Variants in TRPC5 observed in about 807,000 individuals in gnomAD.
TRPC5 encodes transient receptor potential cation channel subfamily C member 5.
TRPC5 carries 9 observed loss-of-function variants against 56.5 expected under a neutral mutation model. That is an observed-to-expected ratio of 0.16 (90% CI 0.10 to 0.28). The LOEUF (loss-of-function observed/expected upper bound fraction) is 0.28, where lower values mean the gene tolerates loss of function less well. Among genes scored for constraint, TRPC5 ranks in the 10% least tolerant of loss-of-function variants. The pLI is 1.00. For synonymous variants in TRPC5, 282 were observed against 278.5 expected (o/e 1.01, Z -0.13); for missense variants, 469 against 748.9 (o/e 0.63, Z 4.36).
At chrX:111,887,529 A>G (rs1167065274) in intron 3 of TRPC5, among the ~76,000 whole-genome samples, 1 of 112,025 alleles carries the variant, frequency 8.9e-6, no homozygotes. Flanking sequence ...GCTACAGAAA[A>G]AGGGTACAAA....
At chrX:111,961,773 G>A (rs901549676) in intron 1 of TRPC5, among the ~76,000 whole-genome samples, 6 of 111,989 alleles carry the variant, frequency 5.4e-5, no homozygotes, top group African/African-American at 1.9e-4. Flanking sequence ...AACACATACT[G>A]CTGAACTTCT....
At chrX:111,895,417 A>G (rs979572266) in intron 3 of TRPC5, among the ~76,000 whole-genome samples, 14 of 112,174 alleles carry the variant, frequency 1.2e-4, no homozygotes, top group African/African-American at 4.5e-4. Flanking sequence ...TAAAAAATGT[A>G]TGAATGTAGT....
intron 2 of TRPC5, among the ~76,000 whole-genome samples, chrX:111,918,357 G>A (rs960589854): frequency 1.3e-4 from 15 of 111,433 alleles, no homozygotes; most frequent in Non-Finnish European, 2.6e-4. Flanking sequence ...AGTTGGCAGG[G>A]TGTGTGGGGA....
At chrX:111,963,922 C>T (rs1490959750) in intron 1 of TRPC5, among the ~76,000 whole-genome samples, 2 of 111,968 alleles carry the variant, frequency 1.8e-5, no homozygotes, top group Non-Finnish European at 3.8e-5. Flanking sequence ...AGCACCTCTC[C>T]TCCTCCAAAG....
intron 1 of TRPC5, among the ~76,000 whole-genome samples, chrX:112,016,099 A>G (rs1466936592): frequency 8.9e-6 from 1 of 112,152 alleles, no homozygotes; most frequent in Non-Finnish European, 1.9e-5. Flanking sequence ...AGCTTTAAGT[A>G]ACAATGCCCA....
intron 2 of TRPC5, 122 bp from the exon 3 acceptor site, chrX:111,912,934 A>C (rs990425744): frequency 1.4e-6 from 1 of 702,983 alleles, no homozygotes; most frequent in Admixed American, 3.6e-5. Context: ...AATTCTTTTG[A>C]CCTCCTAAAC....
At chrX:112,045,326 G>A (rs186316773) in intron 1 of TRPC5, among the ~76,000 whole-genome samples, 116 of 111,738 alleles carry the variant, frequency 1.0e-3, no homozygotes, top group African/African-American at 3.5e-3. Flanking sequence ...GTGGTCACAA[G>A]TCAAAGGAAT....
chrX:111,908,508 T>C (rs1212988224), intron 3 of TRPC5, among the ~76,000 whole-genome samples: 1 of 111,385 alleles, frequency 9.0e-6, no homozygotes, highest in Non-Finnish European at 1.9e-5. Flanking sequence ...TTTCGGTGGC[T>C]CTTTGGAATT....
At chrX:111,977,629 C>T (rs1321851944) in intron 1 of TRPC5, among the ~76,000 whole-genome samples, 1 of 111,455 alleles carries the variant, frequency 9.0e-6, no homozygotes, top group Admixed American at 9.5e-5. Flanking sequence ...ATTACACCAA[C>T]TAAAAAGCTT....
In TRPC5 at chrX:111,894,762, TAAATTGCGC is replaced by T. The variant is rs764767901; in HGVS notation, c.900+17520_900+17528del. Among the ~76,000 whole-genome samples, 27 of 111,974 alleles carry T rather than the reference TAAATTGCGC, an allele frequency of 2.4e-4. No homozygotes were observed. In the East Asian group the frequency reaches 7.0e-3, roughly 29 times the overall value. ...TTTTTGAGGTATGGCATGCATATAG[TAAATTGCGC>T]AAATTTTAAGGGTGCATATCAATGC... On this transcript the variant is annotated intron_variant, in intron 3 of 10. Coordinates refer to ENST00000262839, the MANE Select transcript of TRPC5 (RefSeq NM_012471.3).
intron 3 of TRPC5, among the ~76,000 whole-genome samples, chrX:111,887,319 T>C (rs1924554700): frequency 8.9e-6 from 1 of 112,175 alleles, no homozygotes; most frequent in African/African-American, 3.2e-5. Flanking sequence ...AGAGTGCCAT[T>C]TGGGAATCAT....
chrX:111,825,087 T>A (rs1005247072), intron 7 of TRPC5, among the ~76,000 whole-genome samples: 2 of 111,363 alleles, frequency 1.8e-5, no homozygotes, highest in Non-Finnish European at 1.9e-5. Context: ...GAAATCACTC[T>A]AGGACTTTCT....
chrX:111,851,210 G>T (rs1923073886), intron 5 of TRPC5, among the ~76,000 whole-genome samples: 1 of 112,127 alleles, frequency 8.9e-6, no homozygotes, highest in Non-Finnish European at 1.9e-5. Context: ...TGCATATTAG[G>T]GATACAAAAA....
intron 1 of TRPC5, among the ~76,000 whole-genome samples, chrX:111,980,581 T>C (rs62612034): frequency 2.1e-3 from 236 of 111,224 alleles, no homozygotes; most frequent in Non-Finnish European, 3.8e-3. Flanking sequence ...AATTTCAACA[T>C]ACATCATTGT....
chrX:111,802,315 C>T (rs560428059), intron 7 of TRPC5, among the ~76,000 whole-genome samples: 41 of 111,498 alleles, frequency 3.7e-4, no homozygotes, highest in African/African-American at 1.3e-3. Flanking sequence ...CCTCAAACTT[C>T]ATTGATTTTT....
chrX:112,023,370 C>G (rs1223397317), intron 1 of TRPC5, among the ~76,000 whole-genome samples: 1 of 101,410 alleles, frequency 9.9e-6, no homozygotes, highest in African/African-American at 3.6e-5. Context: ...AAATCTGTTT[C>G]CAACCTCCAG....
At chrX:112,041,191 G>A (rs1361330115) in intron 1 of TRPC5, among the ~76,000 whole-genome samples, 1 of 112,141 alleles carries the variant, frequency 8.9e-6, no homozygotes, top group Non-Finnish European at 1.9e-5. Context: ...TTTGGGGGTG[G>A]CAGGCACTGA....
At chrX:111,910,427 A>G (rs1208369712) in intron 3 of TRPC5, among the ~76,000 whole-genome samples, 1 of 112,281 alleles carries the variant, frequency 8.9e-6, no homozygotes, top group Non-Finnish European at 1.9e-5. Flanking sequence ...TAAGAGAAGG[A>G]TGGGCCTTTA....
At chrX:112,070,542 A>G (rs751930469) in intron 1 of TRPC5, among the ~76,000 whole-genome samples, 1 of 110,757 alleles carries the variant, frequency 9.0e-6, no homozygotes, top group African/African-American at 3.3e-5. Flanking sequence ...CCCCCACCCC[A>G]CGTAAAATCT....
Sources: allele counts gnomAD v4.1 joint callset (sites outside exome capture counted in the v4.1 genomes callset), GRCh38; gene constraint gnomAD v4.1.1; transcripts MANE v1.5; gene names NCBI Gene and HGNC (gene_info 2026-07-23, HGNC 2026-07-21).